The following CATSPERE variants were observed in gnomAD, a reference collection of about 807,000 sequenced individuals.
The protein encoded by CATSPERE is catsper channel auxiliary subunit epsilon, also known as cation channel sperm-associated auxiliary subunit epsilon.
In CATSPERE, 93 loss-of-function variants were observed where a neutral mutation model predicts 114.1. The ratio of observed to expected loss-of-function variants is 0.81; its 90% CI spans 0.69 to 0.97. CATSPERE has a LOEUF of 0.97. Among genes scored for constraint, CATSPERE ranks in the 50% least tolerant of loss-of-function variants. The pLI is 0.00. For missense variants in CATSPERE, 1,058 were observed against 1,131.6 expected, an observed-to-expected ratio of 0.93 and a Z score of 0.93; for synonymous variants, 341 against 384.1, an observed-to-expected ratio of 0.89 and a Z score of 1.31.
At chr1:244,635,976 T>G (rs1344001572) in intron 21 of CATSPERE, among the ~76,000 whole-genome samples, 1 of 152,200 alleles carries the variant, frequency 6.6e-6, no homozygotes, top group Non-Finnish European at 1.5e-5. Flanking sequence ...AGGTCCCCTT[T>G]CGTGCCATCC....
intron 9 of CATSPERE, 99 bp from the exon 10 acceptor site, chr1:244,560,568 TA>T (rs1412451026): frequency 1.5e-6 from 1 of 683,008 alleles, no homozygotes; most frequent in Non-Finnish European, 2.2e-6. Flanking sequence ...AAAGAAAATT[TA>T]AAAAAATAAA....
At position 244,545,776 on chromosome 1, in the gene CATSPERE, T is replaced by G. The variant is rs565189070; in HGVS notation, c.537-6546T>G. 2.0e-5 allele frequency among the ~76,000 whole-genome samples: 3 copies of G among 152,264 alleles called. 1 individual carries two copies. Among genetic ancestry groups the G allele is most frequent in the Admixed American group, 2.0e-4 (3 of 15,296 alleles). On this transcript the variant is annotated intron_variant, in intron 8 of 21. Coordinates refer to ENST00000366534, the MANE Select transcript of CATSPERE (RefSeq NM_001130957.2). The stretch of plus-strand genomic sequence containing the variant: ...GCAACACAATACTCCATTATCAGAT[T>G]GAAGTGGTATATACATGATTGGGCC...
intron 11 of CATSPERE, among the ~76,000 whole-genome samples, chr1:244,578,925 T>G: frequency 6.6e-6 from 1 of 151,274 alleles, no homozygotes; most frequent in East Asian, 1.9e-4. Flanking sequence ...TTTTCAATTT[T>G]CCCTCTCGTT....
chr1:244,534,645 C>A (rs1300224860), intron 8 of CATSPERE, among the ~76,000 whole-genome samples: 1 of 151,492 alleles, frequency 6.6e-6, no homozygotes, highest in African/African-American at 2.4e-5. Flanking sequence ...TTTAATTTAT[C>A]TGATAGGATC....
At chr1:244,566,477 C>CT (rs1193728557) in intron 10 of CATSPERE, among the ~76,000 whole-genome samples, 1 of 151,226 alleles carries the variant, frequency 6.6e-6, no homozygotes, top group African/African-American at 2.4e-5. Context: ...TTGTAGGTCT[C>CT]TAAGAACTTG....
intron 13 of CATSPERE, among the ~76,000 whole-genome samples, chr1:244,586,570 A>G (rs1667054841): frequency 6.6e-6 from 1 of 152,122 alleles, no homozygotes; most frequent in African/African-American, 2.4e-5. Context: ...ATGCACTCCC[A>G]CTGTGAAGCA....
chr1:244,513,202 A>G (rs1676051998), intron 7 of CATSPERE, among the ~76,000 whole-genome samples: 1 of 152,154 alleles, frequency 6.6e-6, no homozygotes, highest in Non-Finnish European at 1.5e-5. Context: ...GCAGCACGTG[A>G]GTACCAGCAA....
chr1:244,519,222 C>T (rs1677129329), intron 8 of CATSPERE, among the ~76,000 whole-genome samples: 1 of 152,106 alleles, frequency 6.6e-6, no homozygotes, highest in African/African-American at 2.4e-5. Context: ...AAACAAGAAA[C>T]AGGTATTATA....
chr1:244,606,837 A>G (rs1670074586), intron 18 of CATSPERE, among the ~76,000 whole-genome samples: 1 of 151,942 alleles, frequency 6.6e-6, no homozygotes, highest in African/African-American at 2.4e-5. Context: ...CTTGACCTCA[A>G]TTGATCCACC....
upstream of CATSPERE, chr1:244,451,561 A>G: frequency 1.4e-6 from 2 of 1,480,344 alleles, no homozygotes; most frequent in Non-Finnish European, 1.8e-6. This position sits in a 1 kb window ranked among gnomAD's most constrained non-coding sequence, Gnocchi z 6.6. Flanking sequence ...TCTGGGTCCG[A>G]GTTCCCGGGC....
rs553085847 is a variant in CATSPERE, at chr1:244,591,283, C to T, written c.2139-398C>T. On this transcript the variant is annotated intron_variant, in intron 14 of 21. Transcript: ENST00000366534. ...GTGGTAAGAAAACACTTCACATCTA[C>T]TCTCTTTGCGTTTTTCAAGAATACA... 4.7e-5 allele frequency among the ~76,000 whole-genome samples: 7 copies of T among 149,206 alleles called. 1 individual carries two copies. In the South Asian group the frequency reaches 1.5e-3, roughly 31 times the overall value.
At chr1:244,581,946 A>C in intron 12 of CATSPERE, 92 bp downstream of exon 12, 1 of 521,444 alleles carries the variant, frequency 1.9e-6, no homozygotes, top group South Asian at 2.4e-5. Context: ...ATGGCCTCAT[A>C]TTCTTTTAAA....
intron 19 of CATSPERE, among the ~76,000 whole-genome samples, chr1:244,615,076 G>A (rs1472693845): frequency 6.6e-6 from 1 of 151,904 alleles, no homozygotes; most frequent in African/African-American, 2.4e-5. Context: ...GATTGGTAGA[G>A]CTGCCCCGCC....
At chr1:244,497,697 T>C (rs566243062) in intron 6 of CATSPERE, among the ~76,000 whole-genome samples, 2 of 152,246 alleles carry the variant, frequency 1.3e-5, no homozygotes, top group South Asian at 4.1e-4. Context: ...CTCGGGAAGC[T>C]GAGGCAGGAA....
rs114606364 is a variant in CATSPERE at position 244,558,950 on chromosome 1, A to G, written c.1030-1718A>G. On this transcript the variant is annotated intron_variant, in intron 9 of 21. Coordinates refer to ENST00000366534, the MANE Select transcript of CATSPERE (RefSeq NM_001130957.2). ...CCAGAGTGTGGATGGGTTTCTCTCAACTTGTCCAGCTTGATGCCCCTTTCC... is the reference window on the plus strand; with the variant it reads ...CCAGAGTGTGGATGGGTTTCTCTCAGCTTGTCCAGCTTGATGCCCCTTTCC... 4.8e-3 allele frequency among the ~76,000 whole-genome samples: 736 copies of G among 152,242 alleles called. 6 individuals carry two copies. The highest frequency in any genetic ancestry group is 0.017 in the African/African-American group (703 of 41,544).
rs1297958893 is a variant in CATSPERE at position 244,625,913 on chromosome 1, C to CT, written c.2648+8238dup. On this transcript the variant is annotated intron_variant, in intron 20 of 21. Transcript: ENST00000366534. ...CAAGTAGTAATATTTTGAAAGGAATCTTTTTTTTTTTCTGAGAAGTAGGTC... is the reference window on the plus strand; with the variant it reads ...CAAGTAGTAATATTTTGAAAGGAATCTTTTTTTTTTTTCTGAGAAGTAGGTC... Among the ~76,000 whole-genome samples, 146 of 146,620 alleles carry CT rather than the reference C, an allele frequency of 1.0e-3. 1 individual carries two copies. Among genetic ancestry groups the CT allele is most frequent in the African/African-American group, 2.1e-3 (85 of 40,074 alleles).
intron 8 of CATSPERE, among the ~76,000 whole-genome samples, chr1:244,522,841 A>C (rs1234167127): frequency 2.0e-5 from 3 of 152,122 alleles, no homozygotes; most frequent in Admixed American, 2.0e-4. Context: ...TGGCAATAAT[A>C]AGTAGCTTAC....
At chr1:244,544,367 G>A (rs904400640) in intron 8 of CATSPERE, among the ~76,000 whole-genome samples, 2 of 152,156 alleles carry the variant, frequency 1.3e-5, no homozygotes, top group African/African-American at 4.8e-5. Flanking sequence ...CTATCAGAAT[G>A]CGGGCTTATG....
intron 8 of CATSPERE, among the ~76,000 whole-genome samples, chr1:244,545,626 G>A (rs1405583542): frequency 6.6e-6 from 1 of 152,120 alleles, no homozygotes; most frequent in Non-Finnish European, 1.5e-5. Context: ...GACAATTCTT[G>A]GCCTACTATT....
Sources: allele counts gnomAD v4.1 joint callset (sites outside exome capture counted in the v4.1 genomes callset), GRCh38; gene constraint gnomAD v4.1.1; non-coding constraint Gnocchi (gnomAD v3.1); transcripts MANE v1.5; gene names NCBI Gene and HGNC (gene_info 2026-07-23, HGNC 2026-07-21).